Variants in CNBD2 observed in about 807,000 individuals in gnomAD.
CNBD2 encodes the protein cyclic nucleotide-binding domain-containing protein 2.
A neutral mutation model predicts 63.7 loss-of-function variants in CNBD2; 64 were observed. The observed-to-expected ratio is 1.00, with a 90% CI of 0.82 to 1.24. CNBD2 has a LOEUF of 1.24. CNBD2 is among the 50% of genes most tolerant of loss of function. The pLI, the probability that CNBD2 is intolerant of heterozygous loss-of-function variation, is 0.00. For missense variants in CNBD2, 691 were observed against 713.5 expected, an observed-to-expected ratio of 0.97 and a Z score of 0.36; for synonymous variants, 229 against 255.4, an observed-to-expected ratio of 0.90 and a Z score of 0.99.
chr20:36,007,049 C>T (rs1450728898), intron 8 of CNBD2, among the ~76,000 whole-genome samples: 2 of 151,860 alleles, frequency 1.3e-5, no homozygotes, highest in Non-Finnish European at 1.5e-5. Flanking sequence ...ATTAGCTGGG[C>T]GTGGTGGTGG....
intron 2 of CNBD2, chr20:35,974,856 G>T (rs2056477844): frequency 6.6e-6 from 1 of 152,232 alleles, no homozygotes. Context: ...CACCATCTCA[G>T]TCCTACATGG....
chr20:35,956,128 G>A (rs958531582), downstream of CNBD2, among the ~76,000 whole-genome samples: 6 of 152,204 alleles, frequency 3.9e-5, no homozygotes, highest in Non-Finnish European at 7.3e-5. Flanking sequence ...TTTTGAGCCC[G>A]TGCAGGATGG....
At chr20:35,963,224 C>G (rs536217115) in intron 2 of CNBD2, among the ~76,000 whole-genome samples, 1 of 151,298 alleles carries the variant, frequency 6.6e-6, no homozygotes, top group Non-Finnish European at 1.5e-5. Flanking sequence ...ACCTGTGGTC[C>G]CAACTACTTG....
intron 8 of CNBD2, among the ~76,000 whole-genome samples, chr20:36,000,683 C>A (rs569752032): frequency 3.5e-4 from 53 of 151,106 alleles, no homozygotes; most frequent in African/African-American, 1.3e-3. Flanking sequence ...CTCAGCCTCA[C>A]GAGTAGCTGG....
chr20:35,994,915 C>T (rs2056802019), intron 7 of CNBD2, 123 bp from the exon 8 acceptor site: 2 of 637,444 alleles, frequency 3.1e-6, no homozygotes, highest in Non-Finnish European at 5.5e-6. Flanking sequence ...AACCTGAAAC[C>T]ACTTGCATTA....
chr20:35,998,348 T>C (rs2056854303), intron 8 of CNBD2, among the ~76,000 whole-genome samples: 1 of 152,110 alleles, frequency 6.6e-6, no homozygotes, highest in South Asian at 2.1e-4. Context: ...GCCTCTGTTA[T>C]TGAATTCTAA....
rs1310144110 is a variant in CNBD2, at chr20:36,030,572, AGAAATACC to A, written c.1656_1663del (p.Gln552HisfsTer25). The A allele has an allele frequency of 1.2e-6, 2 of 1,614,224 alleles. No homozygotes were observed. Among genetic ancestry groups the A allele is most frequent in the Non-Finnish European group, 1.7e-6 (2 of 1,180,034 alleles). On this transcript the variant is annotated frameshift_variant, in exon 12 of 12. Coordinates refer to ENST00000373973, the MANE Select transcript of CNBD2 (RefSeq NM_001365709.1). LOFTEE classifies it high-confidence loss of function. The stretch of plus-strand genomic sequence containing the variant: ...CGTTATCCTATTTTTATGGCACCCC[AGAAATACC>A]TCCCCCCATTGAGGATTGTCCAAGC...
chr20:35,997,471 T>G (rs1810098755), intron 8 of CNBD2, among the ~76,000 whole-genome samples: 1 of 152,170 alleles, frequency 6.6e-6, no homozygotes, highest in African/African-American at 2.4e-5. Context: ...TTTCTTCATA[T>G]CTACCTTGGG....
chr20:35,976,996 C>A (rs1331174092), intron 3 of CNBD2, among the ~76,000 whole-genome samples: 1 of 152,160 alleles, frequency 6.6e-6, no homozygotes, highest in Admixed American at 6.6e-5. Context: ...CGTGCCCCCT[C>A]GTGTATGAAG....
At chr20:35,983,957 T>A (rs1260747445) in intron 4 of CNBD2, 25 bp from the exon 5 acceptor site, 1 of 1,614,020 alleles carries the variant, frequency 6.2e-7, no homozygotes, top group Admixed American at 1.7e-5. Context: ...CACTACCCAA[T>A]CAACTAGCAG....
At position 35,980,511 on chromosome 20, in the gene CNBD2, G is replaced by T; in HGVS notation, c.296G>T (p.Arg99Ile). ...ATCATGCAGAAGAAGCCTTCCTGGA[G>T]AACAGAGGATGAGATCCAGGCCGTC... ...IQIMQKKPSW[R>I]TEDEIQAVCN... is the part of the protein sequence containing the mutation. Residue 99 changes from arginine to isoleucine, a missense_variant, in exon 4 of 12, where the codon AGA becomes ATA. By Grantham distance (97) the Arg-to-Ile change is moderately conservative. Coordinates refer to ENST00000373973, the MANE Select transcript of CNBD2 (RefSeq NM_001365709.1). The T allele has an allele frequency of 6.2e-7, 1 of 1,614,196 alleles. No homozygotes were observed. The highest frequency in any genetic ancestry group is 1.7e-5 in the Admixed American group (1 of 60,024).
intron 8 of CNBD2, among the ~76,000 whole-genome samples, chr20:36,000,026 C>T (rs1364922998): frequency 6.6e-6 from 1 of 152,144 alleles, no homozygotes; most frequent in African/African-American, 2.4e-5. Flanking sequence ...AGAAAAGACT[C>T]TTATGTTAAC....
intron 7 of CNBD2, among the ~76,000 whole-genome samples, 158 bp from the exon 8 acceptor site, chr20:35,994,880 C>T (rs1484762234): frequency 2.0e-5 from 3 of 152,056 alleles, no homozygotes; most frequent in Non-Finnish European, 4.4e-5. Flanking sequence ...CAAAGTGAGA[C>T]TCCATCTCAA....
intron 2 of CNBD2, among the ~76,000 whole-genome samples, chr20:35,962,193 T>C (rs1447412003): frequency 6.6e-6 from 1 of 151,534 alleles, no homozygotes; most frequent in African/African-American, 2.4e-5. Flanking sequence ...CCAGAAAGGC[T>C]GGGAAGTTAA....
At chr20:36,029,319 G>A (rs1441524020) in intron 11 of CNBD2, among the ~76,000 whole-genome samples, 1 of 144,744 alleles carries the variant, frequency 6.9e-6, no homozygotes, top group African/African-American at 2.4e-5. Flanking sequence ...CTTGACACAT[G>A]GTAAGTTCTA....
chr20:35,974,793 T>TG (rs904185654), intron 2 of CNBD2: 3 of 152,196 alleles, frequency 2.0e-5, no homozygotes, highest in South Asian at 2.1e-4. Context: ...AGCCTTGAGT[T>TG]GGGGTCTCAG....
rs1167174197 is a variant in CNBD2, at chr20:36,001,596, C to G, written c.970+6444C>G. Among the ~76,000 whole-genome samples, 8 of 150,778 alleles carry G rather than the reference C, an allele frequency of 5.3e-5. No individual in the cohort carries two copies. In the East Asian group the frequency reaches 1.6e-3, roughly 30 times the overall value. Reference sequence around the variant, plus strand: ...CCGGGCGGAGGGGCTCCTCACTTCTCAGACGGGGCGGCTGCCAGGCGGAGG... The same window carrying G: ...CCGGGCGGAGGGGCTCCTCACTTCTGAGACGGGGCGGCTGCCAGGCGGAGG... On this transcript the variant is annotated intron_variant, in intron 8 of 11. Transcript: ENST00000373973.
rs185219770 is a variant in CNBD2 at position 36,011,228 on chromosome 20, G to T, written c.1240G>T (p.Val414Leu). The T allele has an allele frequency of 4.2e-5, 66 of 1,587,512 alleles. No individual in the cohort carries two copies. The East Asian group carries it at 1.3e-3, about 31-fold the overall frequency. Reference sequence around the variant, plus strand: ...GGCTGCAGTGGGGGCCTACGTGAAGGTGCACACTGTGGAGCAGGGAGAAAT... The same window carrying T: ...GGCTGCAGTGGGGGCCTACGTGAAGTTGCACACTGTGGAGCAGGGAGAAAT... ...KEAAVGAYVK[V>L]HTVEQGEILG... The change falls in exon 10 of 12, where the codon GTG becomes TTG. Residue 414 changes from valine to leucine, a missense_variant. Physicochemically the swap from Val to Leu is conservative, Grantham distance 32. Coordinates refer to ENST00000373973, the MANE Select transcript of CNBD2 (RefSeq NM_001365709.1).
upstream of CNBD2, among the ~76,000 whole-genome samples, chr20:35,965,058 C>A (rs2056335107): frequency 6.6e-6 from 1 of 152,164 alleles, no homozygotes; most frequent in South Asian, 2.1e-4. Flanking sequence ...TTTACTTCCC[C>A]ACCATATTGT....
Sources: allele counts gnomAD v4.1 joint callset (sites outside exome capture counted in the v4.1 genomes callset), GRCh38; gene constraint gnomAD v4.1.1; transcripts MANE v1.5; gene names NCBI Gene and HGNC (gene_info 2026-07-23, HGNC 2026-07-21).